The following ZNF277 variants were observed in gnomAD, a reference collection of about 807,000 sequenced individuals.
The protein encoded by ZNF277 is zinc finger protein 277.
ZNF277 carries 55 observed loss-of-function variants against 60.7 expected under a neutral mutation model. The ratio of observed to expected loss-of-function variants is 0.91; its 90% CI spans 0.73 to 1.13. The LOEUF is 1.13. Ranked by LOEUF, ZNF277 falls within the 50% of genes most tolerant of loss-of-function variation. The pLI is 0.00. For synonymous variants in ZNF277, 178 were observed against 179.3 expected, an observed-to-expected ratio of 0.99 and a Z score of 0.06; for missense variants, 510 against 523.0, an observed-to-expected ratio of 0.98 and a Z score of 0.24.
chr7:112,301,188 C>T (rs1374560048), intron 4 of ZNF277, among the ~76,000 whole-genome samples: 3 of 151,842 alleles, frequency 2.0e-5, no homozygotes, highest in South Asian at 2.1e-4. Context: ...CCTTTCGTAG[C>T]GATGGGGTCT....
At chr7:112,245,262 A>G (rs1791057489) in intron 1 of ZNF277, among the ~76,000 whole-genome samples, 1 of 152,110 alleles carries the variant, frequency 6.6e-6, no homozygotes, top group Non-Finnish European at 1.5e-5. Context: ...CAGCACGTAC[A>G]TTGTTTTGGG....
chr7:112,217,046 A>G (rs1045633108), intron 1 of ZNF277, among the ~76,000 whole-genome samples: 1 of 152,236 alleles, frequency 6.6e-6, no homozygotes, highest in African/African-American at 2.4e-5. Flanking sequence ...AGCATCTGCT[A>G]TGTGCAAACT....
At chr7:112,223,554 C>T (rs1563196118) in intron 1 of ZNF277, among the ~76,000 whole-genome samples, 1 of 152,176 alleles carries the variant, frequency 6.6e-6, no homozygotes, top group Non-Finnish European at 1.5e-5. Context: ...AAGTCCGGAG[C>T]CAAGATCACA....
intron 10 of ZNF277, among the ~76,000 whole-genome samples, chr7:112,340,397 C>T (rs535870280): frequency 3.9e-4 from 59 of 152,294 alleles, no homozygotes; most frequent in African/African-American, 1.2e-3. Context: ...TTAAGACATA[C>T]GTAAAGTACT....
At chr7:112,312,686 T>G (rs1256829162) in intron 4 of ZNF277, among the ~76,000 whole-genome samples, 4 of 152,154 alleles carry the variant, frequency 2.6e-5, no homozygotes, top group Non-Finnish European at 4.4e-5. Context: ...TTAATTGTAC[T>G]GTTGATTTAA....
At chr7:112,307,208 G>T (rs1363585911) in intron 4 of ZNF277, among the ~76,000 whole-genome samples, 1 of 152,048 alleles carries the variant, frequency 6.6e-6, no homozygotes, top group African/African-American at 2.4e-5. Flanking sequence ...CCCATGGGGG[G>T]AGTTGGACCC....
In ZNF277 at chr7:112,256,421, GTTTTTT is replaced by G. The variant is rs779126085; in HGVS notation, c.92-30431_92-30426del. 2.4e-4 allele frequency among the ~76,000 whole-genome samples: 23 copies of G among 95,394 alleles called. 1 individual carries two copies. In the South Asian group the frequency reaches 3.3e-3, roughly 14 times the overall value. The allele number at this position is 95,394 out of a possible 152,430, so 62.6% of individuals were successfully genotyped here. A position where few individuals can be genotyped will look rare whatever the true frequency, so the allele number is the denominator to read the frequency against. ...AAGTCCATTAATTAACTTCTTTGGA[GTTTTTT>G]TTTTTTTTTTTTTTTTTTTTGAGAA... On this transcript the variant is annotated intron_variant, in intron 1 of 11. Transcript: ENST00000361822.
chr7:112,246,486 A>G (rs1385343005), intron 1 of ZNF277, among the ~76,000 whole-genome samples: 1 of 152,196 alleles, frequency 6.6e-6, no homozygotes, highest in Non-Finnish European at 1.5e-5. Context: ...ATTATAACTG[A>G]GTACTAAGGG....
intron 9 of ZNF277, among the ~76,000 whole-genome samples, chr7:112,338,201 A>G (rs1013517577): frequency 1.3e-5 from 2 of 152,200 alleles, no homozygotes; most frequent in Admixed American, 1.3e-4. Flanking sequence ...GGAATAGGGA[A>G]AAAGGAGGGT....
At chr7:112,219,032 G>A (rs1821959267) in intron 1 of ZNF277, among the ~76,000 whole-genome samples, 1 of 152,092 alleles carries the variant, frequency 6.6e-6, no homozygotes, top group East Asian at 1.9e-4. Flanking sequence ...AATTTTTTGA[G>A]GAACCTCCAT....
intron 5 of ZNF277, among the ~76,000 whole-genome samples, chr7:112,322,914 G>A (rs1793016400): frequency 6.6e-6 from 1 of 152,068 alleles, no homozygotes; most frequent in South Asian, 2.1e-4. Context: ...GACTTTCCTG[G>A]ACTAATTCTC....
At chr7:112,207,171 G>A (rs1821533149) in intron 1 of ZNF277, among the ~76,000 whole-genome samples, 1 of 152,160 alleles carries the variant, frequency 6.6e-6, no homozygotes, top group South Asian at 2.1e-4. Context: ...TATAATTTTG[G>A]GATTAGCAGC....
chr7:112,242,724 A>T (rs1790990130), intron 1 of ZNF277, among the ~76,000 whole-genome samples: 2 of 152,048 alleles, frequency 1.3e-5, no homozygotes, highest in Admixed American at 1.3e-4. Flanking sequence ...AATCCATATC[A>T]TTAAATTGAC....
chr7:112,301,703 CTTCTAAG>C (rs1252090655), intron 4 of ZNF277, among the ~76,000 whole-genome samples: 1 of 152,176 alleles, frequency 6.6e-6, no homozygotes, highest in African/African-American at 2.4e-5. Context: ...TTAATGACCT[CTTCTAAG>C]TTCTATTAAC....
intron 4 of ZNF277, among the ~76,000 whole-genome samples, chr7:112,314,195 C>A (rs981434719): frequency 5.3e-5 from 8 of 152,038 alleles, no homozygotes; most frequent in Non-Finnish European, 1.2e-4. Flanking sequence ...AAGTGGTATG[C>A]CCAAGGCCAC....
At chr7:112,319,536 A>G (rs1049590274) in intron 5 of ZNF277, among the ~76,000 whole-genome samples, 2 of 151,768 alleles carry the variant, frequency 1.3e-5, no homozygotes, top group Non-Finnish European at 2.9e-5. Context: ...CTCACTTGAA[A>G]GAAAGCAGTC....
chr7:112,273,691 C>T (rs1791731183), intron 1 of ZNF277, among the ~76,000 whole-genome samples: 1 of 152,128 alleles, frequency 6.6e-6, no homozygotes, highest in Admixed American at 6.5e-5. Context: ...TAACCACCCT[C>T]TCTGGTGGAA....
At chr7:112,259,814 G>A (rs994943956) in intron 1 of ZNF277, among the ~76,000 whole-genome samples, 1 of 152,098 alleles carries the variant, frequency 6.6e-6, no homozygotes, top group African/African-American at 2.4e-5. Flanking sequence ...GCTCTTTCTA[G>A]AAAGGAATAA....
chr7:112,222,185 T>G (rs1587087561), intron 1 of ZNF277, among the ~76,000 whole-genome samples: 1 of 152,334 alleles, frequency 6.6e-6, no homozygotes, highest in Admixed American at 6.5e-5. Flanking sequence ...GGTATCAGGG[T>G]GATTCAGACC....
Sources: allele counts gnomAD v4.1 joint callset (sites outside exome capture counted in the v4.1 genomes callset), GRCh38; gene constraint gnomAD v4.1.1; transcripts MANE v1.5; gene names NCBI Gene and HGNC (gene_info 2026-07-23, HGNC 2026-07-21).